DENND5B: variants seen among roughly 807,000 people sequenced by gnomAD.
DENND5B encodes DENN domain containing 5B.
In DENND5B, 34 loss-of-function variants were observed where a neutral mutation model predicts 140.6. The observed-to-expected ratio is 0.24, with a 90% CI of 0.18 to 0.32. The LOEUF is 0.32. Among genes scored for constraint, DENND5B ranks in the 10% least tolerant of loss-of-function variants. DENND5B has a pLI of 1.00. For synonymous variants in DENND5B, 551 were observed against 562.1 expected, an observed-to-expected ratio of 0.98 and a Z score of 0.28; for missense variants, 1,142 against 1,560.2, an observed-to-expected ratio of 0.73 and a Z score of 4.52.
intron 3 of DENND5B, chr12:31,465,681 T>C (rs1945233926): frequency 6.6e-6 from 1 of 152,212 alleles, no homozygotes; most frequent in African/African-American, 2.4e-5. Context: ...GACTGAGCAT[T>C]ATCTGAATTA....
Position 31,392,770 on chromosome 12 carries a change from G to A in DENND5B, c.3257-74C>T, listed in dbSNP as rs569574635. The A allele has an allele frequency of 2.1e-4, 287 of 1,363,484 alleles. 2 individuals are homozygous for A. In the Middle Eastern group the frequency reaches 9.2e-3, roughly 44 times the overall value. The allele number at this position is 1,363,484 out of a possible 1,614,324, so 84.5% of individuals were successfully genotyped here. A position where few individuals can be genotyped will look rare whatever the true frequency, so the allele number is the denominator to read the frequency against. ...CAAAGTACTATGGGACATCAACTGT[G>A]TCCACCTAGGCAGGAAATACGTCAT... On this transcript the variant is annotated intron_variant, in intron 17 of 20. Coordinates refer to ENST00000389082, the MANE Select transcript of DENND5B (RefSeq NM_144973.4).
At chr12:31,524,731 A>C (rs149821845) in intron 1 of DENND5B, among the ~76,000 whole-genome samples, 30 of 152,248 alleles carry the variant, frequency 2.0e-4, no homozygotes, top group Non-Finnish European at 3.2e-4. Context: ...AAAAAAAAGA[A>C]ATTTGAGCAA....
intron 1 of DENND5B, among the ~76,000 whole-genome samples, chr12:31,496,283 T>C (rs983655356): frequency 6.6e-6 from 1 of 152,212 alleles, no homozygotes; most frequent in African/African-American, 2.4e-5. Context: ...GCTAATCATA[T>C]GTCTTATGAT....
chr12:31,482,871 G>A (rs1335237616), intron 2 of DENND5B, among the ~76,000 whole-genome samples: 1 of 152,104 alleles, frequency 6.6e-6, no homozygotes, highest in Non-Finnish European at 1.5e-5. Flanking sequence ...TGTCACTCTT[G>A]CCAAAATTCT....
chr12:31,451,210 T>G (rs1944503147), intron 5 of DENND5B, among the ~76,000 whole-genome samples: 2 of 152,204 alleles, frequency 1.3e-5, no homozygotes, highest in Admixed American at 1.3e-4. Context: ...AGGAGTAGGC[T>G]TATTTAACCA....
chr12:31,499,714 AAAAC>A, intron 1 of DENND5B: 2 of 1,391,536 alleles, frequency 1.4e-6, no homozygotes, highest in African/African-American at 1.5e-5. Context: ...TGAACAAATA[AAAAC>A]AAACAAAAAG....
chr12:31,460,733 T>G (rs565887106), intron 3 of DENND5B, among the ~76,000 whole-genome samples: 1 of 152,172 alleles, frequency 6.6e-6, no homozygotes, highest in African/African-American at 2.4e-5. Flanking sequence ...TGTAACATTG[T>G]TATTATTTTT....
chr12:31,480,230 A>C lies in DENND5B; in HGVS notation c.263T>G (p.Phe88Cys). Reference protein sequence around the residue: ...NMLCMPKGLSFRTQTDNKDPQ... With the variant: ...NMLCMPKGLSCRTQTDNKDPQ... ...GTCTTTATTGTCCGTTTGTGTCCTGAAAGATAGCCCTTTAGGCATGCACAA... is the reference window on the plus strand; with the variant it reads ...GTCTTTATTGTCCGTTTGTGTCCTGCAAGATAGCCCTTTAGGCATGCACAA... The change falls in exon 3 of 21, where the codon TTC becomes TGC. Residue 88 changes from phenylalanine to cysteine, a missense_variant. Phe to Cys is a radical substitution (Grantham distance 205, BLOSUM62 -2). Transcript: ENST00000389082. The C allele has an allele frequency of 6.3e-7, 1 of 1,589,086 alleles. No individual in the cohort carries two copies. Among genetic ancestry groups the C allele is most frequent in the Non-Finnish European group, 8.6e-7 (1 of 1,168,280 alleles).
intron 14 of DENND5B, among the ~76,000 whole-genome samples, chr12:31,402,872 T>TATGTATGTAC (rs1941883830): frequency 2.0e-5 from 3 of 152,184 alleles, no homozygotes; most frequent in Non-Finnish European, 4.4e-5. Context: ...ACAGCATGTA[T>TATGTATGTAC]ATCATCATGT....
intron 3 of DENND5B, among the ~76,000 whole-genome samples, chr12:31,466,712 CAACAAA>C (rs1469459476): frequency 6.6e-5 from 8 of 120,380 alleles, no homozygotes; most frequent in East Asian, 6.1e-4. Flanking sequence ...ACAACAACAA[CAACAAA>C]AAAAAGTTTC....
intron 2 of DENND5B, among the ~76,000 whole-genome samples, chr12:31,484,257 T>C (rs1430533611): frequency 1.3e-5 from 2 of 152,086 alleles, no homozygotes; most frequent in Non-Finnish European, 2.9e-5. Context: ...TAACGCACAG[T>C]GCAGTGGTGG....
chr12:31,549,514 T>C (rs1431498610), intron 1 of DENND5B, among the ~76,000 whole-genome samples: 2 of 152,144 alleles, frequency 1.3e-5, no homozygotes, highest in Non-Finnish European at 2.9e-5. Flanking sequence ...GCCATTCTTT[T>C]TTTTTAATGT....
intron 15 of DENND5B, among the ~76,000 whole-genome samples, chr12:31,401,278 C>G (rs1205175731): frequency 2.0e-5 from 3 of 152,152 alleles, no homozygotes; most frequent in African/African-American, 4.8e-5. Context: ...ATGAGAGAGA[C>G]AGCTTAGAAA....
intron 17 of DENND5B, among the ~76,000 whole-genome samples, chr12:31,394,217 A>G (rs1941311154): frequency 6.6e-6 from 1 of 152,094 alleles, no homozygotes; most frequent in African/African-American, 2.4e-5. Flanking sequence ...AAGAGCTTTG[A>G]TCAGTATTAT....
chr12:31,418,280 TTC>T (rs1253997413), intron 11 of DENND5B, among the ~76,000 whole-genome samples: 7 of 51,148 alleles, frequency 1.4e-4, no homozygotes, highest in Admixed American at 3.5e-4. Context: ...TTTTTTTCTT[TTC>T]TTTTTTTTTT....
chr12:31,389,405 T>C lies in DENND5B; in HGVS notation c.3560A>G (p.His1187Arg), dbSNP rs763677427. ...TGCAGTATTAATAGCATTTACGTAGTGGCAGAAGGTTTTGCAGGATGATTT... is the reference window on the plus strand; with the variant it reads ...TGCAGTATTAATAGCATTTACGTAGCGGCAGAAGGTTTTGCAGGATGATTT... ...IQKSSCKTFC[H>R]YVNAINTAPR... Residue 1187 changes from histidine to arginine, a missense_variant, in exon 20 of 21, where the codon CAC becomes CGC. This residue lies in a region of DENND5B where 125 missense variants were observed against 179.0 expected (regional missense o/e 0.70). Transcript: ENST00000389082. The C allele has an allele frequency of 1.2e-5, 20 of 1,612,912 alleles. No individual in the cohort carries two copies. The highest frequency in any genetic ancestry group is 1.6e-4 in the Middle Eastern group (1 of 6,062).
intron 1 of DENND5B, among the ~76,000 whole-genome samples, chr12:31,565,022 G>A (rs1309176561): frequency 6.6e-6 from 1 of 152,156 alleles, no homozygotes; most frequent in African/African-American, 2.4e-5. Context: ...GATCCTAACA[G>A]ATTTAATCAA....
chr12:31,506,752 G>A (rs1947218658), intron 1 of DENND5B, among the ~76,000 whole-genome samples: 1 of 152,146 alleles, frequency 6.6e-6, no homozygotes, highest in Non-Finnish European at 1.5e-5. Context: ...ACACAAATCA[G>A]GATGACCAAT....
At chr12:31,484,969 C>T (rs66520413) in intron 2 of DENND5B, among the ~76,000 whole-genome samples, 20,403 of 152,138 alleles carry the variant, frequency 0.13, 1,615 homozygotes, top group Non-Finnish European at 0.18. Context: ...GTGGCTGAAC[C>T]AAGAAGAAGC....
Sources: allele counts gnomAD v4.1 joint callset (sites outside exome capture counted in the v4.1 genomes callset), GRCh38; gene constraint gnomAD v4.1.1; regional missense constraint gnomAD v4.1.1; transcripts MANE v1.5; gene names NCBI Gene and HGNC (gene_info 2026-07-23, HGNC 2026-07-21).